TNRC6B: variants seen among roughly 807,000 people sequenced by gnomAD.
TNRC6B encodes trinucleotide repeat-containing gene 6B protein.
In TNRC6B, 52 loss-of-function variants were observed where a neutral mutation model predicts 203.6. The observed-to-expected ratio is 0.26, with a 90% CI of 0.20 to 0.32. The LOEUF is 0.32. TNRC6B is among the 10% of genes least tolerant of loss of function. The pLI, the probability that TNRC6B is intolerant of heterozygous loss-of-function variation, is 1.00. For missense variants in TNRC6B, 1,923 were observed against 2,286.2 expected, an observed-to-expected ratio of 0.84 and a Z score of 3.24; for synonymous variants, 838 against 845.7, an observed-to-expected ratio of 0.99 and a Z score of 0.16.
chr22:40,308,172 A>G (rs1392166094), intron 15 of TNRC6B, among the ~76,000 whole-genome samples: 1 of 152,106 alleles, frequency 6.6e-6, no homozygotes, highest in African/African-American at 2.4e-5. Context: ...GTTGCGCTAC[A>G]TTGGCTGGAT....
Position 40,219,812 on chromosome 22 carries a change from A to G in TNRC6B, c.6-26203A>G, listed in dbSNP as rs376476811. 2.0e-5 allele frequency among the ~76,000 whole-genome samples: 3 copies of G among 151,762 alleles called. No homozygotes were observed. In the East Asian group the frequency reaches 5.8e-4, roughly 29 times the overall value. On this transcript the variant is annotated intron_variant, in intron 1 of 22. Transcript: ENST00000454349. ...TCTGTCCTATTACCCTGTCTGGTTT[A>G]TTTTCTTCCTAGTATTGATTACTAC...
intron 3 of TNRC6B, among the ~76,000 whole-genome samples, chr22:40,142,569 A>G (rs1337938361): frequency 2.0e-5 from 3 of 152,228 alleles, no homozygotes; most frequent in African/African-American, 7.2e-5. Context: ...TTCCTTAGGA[A>G]GACTTTGTGG....
At chr22:40,312,243 A>G (rs1300153666) in intron 17 of TNRC6B, among the ~76,000 whole-genome samples, 1 of 152,234 alleles carries the variant, frequency 6.6e-6, no homozygotes, top group African/African-American at 2.4e-5. Flanking sequence ...TCCTGGGAGC[A>G]GGAGGATCAG....
chr22:40,245,383 G>A (rs901352008), intron 1 of TNRC6B, among the ~76,000 whole-genome samples: 5 of 151,976 alleles, frequency 3.3e-5, no homozygotes, highest in Admixed American at 6.6e-5. Flanking sequence ...AAGCTACCAC[G>A]CCTATCCTGG....
At chr22:40,270,771 T>G (rs1438795362) in intron 6 of TNRC6B, among the ~76,000 whole-genome samples, 1 of 152,214 alleles carries the variant, frequency 6.6e-6, no homozygotes, top group African/African-American at 2.4e-5. Flanking sequence ...TGGCTTGGCG[T>G]TTCTTAAAAT....
intron 1 of TNRC6B, among the ~76,000 whole-genome samples, chr22:40,203,928 A>G (rs938256892): frequency 7.2e-5 from 11 of 152,012 alleles, no homozygotes; most frequent in African/African-American, 2.7e-4. Context: ...TGATGTGTCT[A>G]TTTTGCTTTT....
intron 3 of TNRC6B, among the ~76,000 whole-genome samples, chr22:40,142,642 A>G (rs1246370890): frequency 1.3e-5 from 2 of 152,232 alleles, no homozygotes; most frequent in Non-Finnish European, 2.9e-5. Context: ...GGTCAAAATA[A>G]GCTTCAAAGG....
intron 3 of TNRC6B, among the ~76,000 whole-genome samples, chr22:40,260,528 A>T (rs1307196987): frequency 1.3e-5 from 2 of 152,192 alleles, no homozygotes; most frequent in East Asian, 3.8e-4. Flanking sequence ...TTTTGAATGG[A>T]GAATTTTCAT....
At chr22:40,152,069 C>T (rs1331089809) in intron 3 of TNRC6B, among the ~76,000 whole-genome samples, 1 of 152,080 alleles carries the variant, frequency 6.6e-6, no homozygotes, top group South Asian at 2.1e-4. Context: ...AAAAAAGAAC[C>T]TTGCTTAGTG....
In TNRC6B at chr22:40,331,671, CAAAAA is replaced by C. The variant is rs776164567; in HGVS notation, c.*8436_*8440del. 4 of 111,728 alleles carry C rather than the reference CAAAAA, an allele frequency of 3.6e-5. No individual in the cohort carries two copies. Among genetic ancestry groups the C allele is most frequent in the African/African-American group, 6.2e-5 (1 of 16,196 alleles). The allele number at this position is 111,728 out of a possible 1,614,324, so 6.9% of individuals were successfully genotyped here. A position where few individuals can be genotyped will look rare whatever the true frequency, so the allele number is the denominator to read the frequency against. ...TTTTTTTTTTTTTTTTTTTTTTTTT[CAAAAA>C]AAAAAGTCCCACATGTGGTCATCGT... On this transcript the variant is annotated 3_prime_UTR_variant, in exon 23 of 23. Coordinates refer to ENST00000454349, the MANE Select transcript of TNRC6B (RefSeq NM_001162501.2).
intron 1 of TNRC6B, among the ~76,000 whole-genome samples, chr22:40,213,190 A>G (rs907605452): frequency 2.0e-5 from 3 of 152,200 alleles, no homozygotes; most frequent in Non-Finnish European, 4.4e-5. Flanking sequence ...ATAAAGTACT[A>G]ATGCCACTGA....
intron 1 of TNRC6B, among the ~76,000 whole-genome samples, chr22:40,206,211 C>T (rs1414083222): frequency 6.6e-6 from 1 of 151,968 alleles, no homozygotes; most frequent in African/African-American, 2.4e-5. Context: ...TATCTGATTT[C>T]TGTATGAGAT....
In TNRC6B at chr22:40,265,054, C is replaced by T; in HGVS notation, c.824C>T (p.Thr275Ile). Reference sequence around the variant, plus strand: ...TCTGTTCAATCTTCCAACTCTACTACAGAGAACAACAATGGACTAGGAAAT... The same window carrying T: ...TCTGTTCAATCTTCCAACTCTACTATAGAGAACAACAATGGACTAGGAAAT... ...AKSVQSSNSTTENNNGLGNWR... is the reference protein window; with the variant it reads ...AKSVQSSNSTIENNNGLGNWR... The change falls in exon 5 of 23, where the codon ACA (threonine) becomes ATA (isoleucine). Residue 275 changes from threonine to isoleucine, a missense_variant. Physicochemically the swap from Thr to Ile is moderately conservative, Grantham distance 89. This residue lies in a region of TNRC6B where 614 missense variants were observed against 587.7 expected (regional missense o/e 1.04). Transcript: ENST00000454349. 1.9e-6 allele frequency: 3 copies of T among 1,613,988 alleles called. No individual in the cohort carries two copies. Among genetic ancestry groups the T allele is most frequent in the African/African-American group, 2.7e-5 (2 of 75,042 alleles).
At chr22:40,122,925 C>T (rs573750915) in intron 2 of TNRC6B, among the ~76,000 whole-genome samples, 7 of 152,178 alleles carry the variant, frequency 4.6e-5, no homozygotes, top group Non-Finnish European at 7.3e-5. Context: ...GTCACACATC[C>T]GTAAGCATTC....
chr22:40,253,838 C>G (rs913463205), intron 3 of TNRC6B, among the ~76,000 whole-genome samples: 8 of 152,172 alleles, frequency 5.3e-5, no homozygotes, highest in African/African-American at 1.9e-4. Context: ...TCTCTTACCT[C>G]AGCTGACATG....
chr22:40,227,014 A>G (rs1268628505), intron 1 of TNRC6B, among the ~76,000 whole-genome samples: 2 of 151,788 alleles, frequency 1.3e-5, no homozygotes, highest in Non-Finnish European at 2.9e-5. Context: ...GGTTCAAGCC[A>G]TTCTCCTGCC....
chr22:40,245,877 T>G (rs530413214), intron 1 of TNRC6B, 138 bp from the exon 2 acceptor site: 7 of 484,146 alleles, frequency 1.4e-5, no homozygotes, highest in Non-Finnish European at 2.5e-5. Flanking sequence ...ATCCTTTTGA[T>G]TTAAATGAAA....
At chr22:40,263,494 G>A (rs979932488) in intron 4 of TNRC6B, among the ~76,000 whole-genome samples, 2 of 152,204 alleles carry the variant, frequency 1.3e-5, no homozygotes, top group Non-Finnish European at 2.9e-5. Flanking sequence ...GGGGTCCAGT[G>A]TGAGTCAGAG....
chr22:40,158,570 G>C (rs139385782), intron 4 of TNRC6B, among the ~76,000 whole-genome samples: 16 of 152,292 alleles, frequency 1.1e-4, no homozygotes, highest in African/African-American at 3.6e-4. Context: ...TTGCTGGGCA[G>C]ATTCTCCTAC....
Sources: allele counts gnomAD v4.1 joint callset (sites outside exome capture counted in the v4.1 genomes callset), GRCh38; gene constraint gnomAD v4.1.1; regional missense constraint gnomAD v4.1.1; transcripts MANE v1.5; gene names NCBI Gene and HGNC (gene_info 2026-07-23, HGNC 2026-07-21).